CTNNA2: variants seen among roughly 807,000 people sequenced by gnomAD.
The protein encoded by CTNNA2 is catenin alpha-2.
In CTNNA2, 42 loss-of-function variants were observed where a neutral mutation model predicts 101.0. The ratio of observed to expected loss-of-function variants is 0.42; its 90% CI spans 0.32 to 0.54. CTNNA2 has a LOEUF of 0.54. Among genes scored for constraint, CTNNA2 ranks in the 20% least tolerant of loss-of-function variants. The pLI, the probability that CTNNA2 is intolerant of heterozygous loss-of-function variation, is 0.14. For missense variants in CTNNA2, 871 were observed against 1,223.1 expected (o/e 0.71, Z 4.29); for synonymous variants, 450 against 456.4 (o/e 0.99, Z 0.18).
At chr2:79,589,511 G>T (rs1056147959) in intron 1 of CTNNA2, among the ~76,000 whole-genome samples, 1 of 151,530 alleles carries the variant, frequency 6.6e-6, no homozygotes, top group Non-Finnish European at 1.5e-5. Flanking sequence ...CATTTAGAAG[G>T]TAAGACATAC....
chr2:79,853,632 C>A (rs1680898539), intron 3 of CTNNA2, among the ~76,000 whole-genome samples: 1 of 151,628 alleles, frequency 6.6e-6, no homozygotes, highest in African/African-American at 2.4e-5. Context: ...CTCTGCCTTC[C>A]ACATGCCATA....
chr2:80,574,936 A>AT (rs765603200), intron 13 of CTNNA2, among the ~76,000 whole-genome samples: 1 of 152,180 alleles, frequency 6.6e-6, no homozygotes, highest in Admixed American at 6.5e-5. Flanking sequence ...ATTGTAGTTG[A>AT]TTTAAAAACT....
intron 4 of CTNNA2, among the ~76,000 whole-genome samples, chr2:79,473,334 A>G (rs534169840): frequency 6.6e-6 from 1 of 152,246 alleles, no homozygotes; most frequent in Non-Finnish European, 1.5e-5. Flanking sequence ...TTAAAAAAAG[A>G]CAAAAAAATC....
intron 6 of CTNNA2, among the ~76,000 whole-genome samples, chr2:79,882,600 G>T (rs1214079810): frequency 1.3e-5 from 2 of 152,242 alleles, no homozygotes; most frequent in African/African-American, 4.8e-5. Flanking sequence ...CTATAGAAAT[G>T]GATGTCACCC....
intron 7 of CTNNA2, among the ~76,000 whole-genome samples, chr2:80,020,457 A>G (rs528355800): frequency 1.3e-5 from 2 of 152,320 alleles, no homozygotes; most frequent in Middle Eastern, 3.4e-3. Flanking sequence ...CTCATTTTGC[A>G]AGTCCCAAAA....
intron 7 of CTNNA2, among the ~76,000 whole-genome samples, chr2:80,340,965 A>G (rs976838448): frequency 6.6e-6 from 1 of 152,144 alleles, no homozygotes; most frequent in African/African-American, 2.4e-5. Flanking sequence ...TCAGGAAGGC[A>G]TTTAACTTAA....
intron 1 of CTNNA2, among the ~76,000 whole-genome samples, chr2:79,647,393 C>A (rs1439639864): frequency 6.6e-6 from 1 of 152,110 alleles, no homozygotes; most frequent in Non-Finnish European, 1.5e-5. Flanking sequence ...TTATTTAATC[C>A]TCACAATAAG....
intron 9 of CTNNA2, among the ~76,000 whole-genome samples, chr2:80,434,236 C>T (rs1681815413): frequency 6.6e-6 from 1 of 152,172 alleles, no homozygotes; most frequent in South Asian, 2.1e-4. Context: ...GAGAGGTTTT[C>T]ATTTTCATGT....
chr2:79,627,426 T>A (rs983867949), intron 1 of CTNNA2, among the ~76,000 whole-genome samples: 12 of 152,200 alleles, frequency 7.9e-5, no homozygotes, highest in Non-Finnish European at 1.5e-4. Flanking sequence ...ATCCTGTAAA[T>A]ACCCAGCAGA....
intron 8 of CTNNA2, among the ~76,000 whole-genome samples, chr2:80,406,291 G>T (rs570609219): frequency 6.6e-6 from 1 of 151,062 alleles, no homozygotes; most frequent in African/African-American, 2.4e-5. Context: ...TCGAGATCGC[G>T]CCACTGCACT....
chr2:80,370,721 CCA>C (rs1426089549), intron 7 of CTNNA2, among the ~76,000 whole-genome samples: 1 of 152,162 alleles, frequency 6.6e-6, no homozygotes, highest in African/African-American at 2.4e-5. Context: ...TTTCACTATA[CCA>C]CACAGCCACT....
intron 4 of CTNNA2, among the ~76,000 whole-genome samples, chr2:79,487,476 T>C (rs1671169299): frequency 6.6e-6 from 1 of 152,222 alleles, no homozygotes; most frequent in Non-Finnish European, 1.5e-5. Context: ...TAAGAAACTT[T>C]GTAACATTCT....
chr2:80,285,368 A>G (rs1323311748), intron 7 of CTNNA2, among the ~76,000 whole-genome samples: 1 of 152,212 alleles, frequency 6.6e-6, no homozygotes, highest in Non-Finnish European at 1.5e-5. Context: ...GGGACTACCC[A>G]CATTCTCACT....
At chr2:80,282,139 A>G (rs1027340783) in intron 7 of CTNNA2, among the ~76,000 whole-genome samples, 1 of 152,120 alleles carries the variant, frequency 6.6e-6, no homozygotes, top group African/African-American at 2.4e-5. Context: ...GGAAATGCCA[A>G]TGGGTTCTGC....
chr2:79,553,940 ATAGG>A (rs1674280662), intron 1 of CTNNA2, among the ~76,000 whole-genome samples: 1 of 152,196 alleles, frequency 6.6e-6, no homozygotes, highest in Admixed American at 6.6e-5. Flanking sequence ...TAGGAACAAA[ATAGG>A]AGGCAGTTTT....
intron 4 of CTNNA2, among the ~76,000 whole-genome samples, chr2:79,473,299 G>T (rs1671018545): frequency 6.6e-6 from 1 of 151,886 alleles, no homozygotes; most frequent in Non-Finnish European, 1.5e-5. Context: ...TGAGCATTGA[G>T]GTAATACCCA....
chr2:80,456,913 G>A (rs542753350), intron 9 of CTNNA2, among the ~76,000 whole-genome samples: 13 of 152,106 alleles, frequency 8.5e-5, no homozygotes, highest in Non-Finnish European at 1.5e-4. Context: ...AAGTTCTAGC[G>A]CTTGATAGCA....
intron 4 of CTNNA2, among the ~76,000 whole-genome samples, chr2:79,464,335 A>G (rs1298490865): frequency 2.2e-4 from 34 of 152,180 alleles, no homozygotes; most frequent in Non-Finnish European, 5.9e-5. Context: ...GTGGCTGCAT[A>G]GTATTCCATG....
At chr2:80,116,138 G>A (rs1178629942) in intron 7 of CTNNA2, among the ~76,000 whole-genome samples, 1 of 151,946 alleles carries the variant, frequency 6.6e-6, no homozygotes, top group East Asian at 1.9e-4. Flanking sequence ...CAATTCCTCA[G>A]CAATATCATT....
Sources: allele counts gnomAD v4.1 joint callset (sites outside exome capture counted in the v4.1 genomes callset), GRCh38; gene constraint gnomAD v4.1.1; transcripts MANE v1.5; gene names NCBI Gene and HGNC (gene_info 2026-07-23, HGNC 2026-07-21).